CDC73: variants seen among roughly 807,000 people sequenced by gnomAD.
CDC73 encodes cell division cycle 73.
Under a neutral mutation model 83.7 loss-of-function variants are expected in CDC73, and 21 were observed. The observed-to-expected ratio is 0.25, with a 90% CI of 0.18 to 0.36. CDC73 has a LOEUF of 0.36. Ranked by LOEUF, CDC73 falls within the 10% of genes least tolerant of loss-of-function variation. The probability of loss-of-function intolerance (pLI) is 1.00; values close to 1 mark genes in which losing one functional copy is unlikely to be tolerated. For synonymous variants in CDC73, 224 were observed against 212.9 expected, an observed-to-expected ratio of 1.05 and a Z score of -0.45; for missense variants, 342 against 653.3, an observed-to-expected ratio of 0.52 and a Z score of 5.19.
intron 14 of CDC73, among the ~76,000 whole-genome samples, chr1:193,234,343 T>TATATATATATATA (rs1677721942): frequency 8.5e-5 from 4 of 46,908 alleles, no homozygotes; most frequent in Non-Finnish European, 1.3e-4. Flanking sequence ...CACACATAAA[T>TATATATATATATA]ATATATATAT....
intron 13 of CDC73, among the ~76,000 whole-genome samples, chr1:193,215,484 G>A (rs1677351711): frequency 6.6e-6 from 1 of 151,968 alleles, no homozygotes; most frequent in South Asian, 2.1e-4. Flanking sequence ...GTACTGTGGA[G>A]ATACCTAACA....
Position 193,253,405 on chromosome 1 carries a change from A to T in CDC73, c.*2693A>T. 4.3e-6 allele frequency: 1 copy of T among 232,056 alleles called. No homozygotes were observed. The highest frequency in any genetic ancestry group is 8.5e-6 in the Non-Finnish European group (1 of 117,428). The allele number at this position is 232,056 out of a possible 1,614,324, so 14.4% of individuals were successfully genotyped here. ...TTTCTGTATGTATGTGTGGTTTTTG[A>T]TTTTTTGTTGTTGTTGTTGTTTTGT... On this transcript the variant is annotated 3_prime_UTR_variant, in exon 17 of 17. Transcript: ENST00000367435.
intron 13 of CDC73, among the ~76,000 whole-genome samples, chr1:193,231,998 T>C (rs1454134139): frequency 6.6e-6 from 1 of 152,188 alleles, no homozygotes; most frequent in Non-Finnish European, 1.5e-5. Context: ...AATAAGACTT[T>C]TAAAATACTT....
chr1:193,214,289 A>C (rs1288271361), intron 13 of CDC73, among the ~76,000 whole-genome samples: 1 of 152,164 alleles, frequency 6.6e-6, no homozygotes, highest in Non-Finnish European at 1.5e-5. Flanking sequence ...TTTATGTATA[A>C]AGTTCCCGTT....
chr1:193,212,374 A>C lies in CDC73; in HGVS notation c.1067-16A>C. The C allele has an allele frequency of 7.5e-6, 11 of 1,470,224 alleles. No homozygotes were observed. Among genetic ancestry groups the C allele is most frequent in the Non-Finnish European group, 1.0e-5 (11 of 1,063,632 alleles). 91.1% of individuals were successfully genotyped at this position (1,470,224 alleles called of 1,614,324 possible). A position where few individuals can be genotyped will look rare whatever the true frequency, so the allele number is the denominator to read the frequency against. On this transcript the variant is annotated splice_polypyrimidine_tract_variant and intron_variant, in intron 12 of 16. Coordinates refer to ENST00000367435, the MANE Select transcript of CDC73 (RefSeq NM_024529.5). ...TCTAATAATATATTTTCTACCTGTAAATTTTGTCTTTATAGGATCTCGAAC... is the reference window on the plus strand; with the variant it reads ...TCTAATAATATATTTTCTACCTGTACATTTTGTCTTTATAGGATCTCGAAC...
intron 10 of CDC73, among the ~76,000 whole-genome samples, chr1:193,192,563 A>C (rs922364005): frequency 6.6e-6 from 1 of 152,234 alleles, no homozygotes; most frequent in Non-Finnish European, 1.5e-5. Flanking sequence ...AGCCATCTTC[A>C]GTATGATTGG....
chr1:193,170,392 A>G (rs1676499998), intron 10 of CDC73, among the ~76,000 whole-genome samples: 1 of 152,182 alleles, frequency 6.6e-6, no homozygotes, highest in Non-Finnish European at 1.5e-5. Flanking sequence ...CAATAGTTGA[A>G]TTAATTTACA....
Position 193,232,865 on chromosome 1 carries a change from T to C in CDC73, c.1155-128T>C, listed in dbSNP as rs904573638. On this transcript the variant is annotated intron_variant, in intron 13 of 16. Transcript: ENST00000367435. ...TTGCAGTGAGCCAAGATTGCACCAC[T>C]GCACTCTAGCCTGGGCAATAAGAAA... is the stretch of plus-strand genomic sequence containing the variant. The C allele has an allele frequency of 1.6e-5, 12 of 727,962 alleles. No individual in the cohort carries two copies. In the East Asian group the frequency reaches 3.5e-4, roughly 21 times the overall value. The allele number at this position is 727,962 out of a possible 1,614,324, so 45.1% of individuals were successfully genotyped here. A position where few individuals can be genotyped will look rare whatever the true frequency, so the allele number is the denominator to read the frequency against.
intron 10 of CDC73, among the ~76,000 whole-genome samples, chr1:193,157,658 T>C (rs1171594356): frequency 6.6e-6 from 1 of 152,234 alleles, no homozygotes; most frequent in Admixed American, 6.5e-5. Flanking sequence ...TGTTATCTTT[T>C]ATTTAGCCTT....
intron 16 of CDC73, 60 bp downstream of exon 16, chr1:193,249,931 A>T: frequency 6.5e-7 from 1 of 1,532,324 alleles, no homozygotes; most frequent in Non-Finnish European, 9.0e-7. Flanking sequence ...TGTCTCAGTT[A>T]AATTTTAAGT....
At chr1:193,197,927 CAAA>C (rs61392426) in intron 10 of CDC73, among the ~76,000 whole-genome samples, 4 of 73,220 alleles carry the variant, frequency 5.5e-5, no homozygotes, top group African/African-American at 9.2e-5. Context: ...ACCATCTCAC[CAAA>C]AAAAAAAAAA....
At chr1:193,202,581 TG>T (rs1458838266) in intron 10 of CDC73, among the ~76,000 whole-genome samples, 1 of 150,444 alleles carries the variant, frequency 6.6e-6, no homozygotes, top group African/African-American at 2.4e-5. Flanking sequence ...GTGAGAATGT[TG>T]GAAAAAGGAT....
At chr1:193,249,376 A>G (rs1193794792) in intron 15 of CDC73, among the ~76,000 whole-genome samples, 1 of 152,082 alleles carries the variant, frequency 6.6e-6, no homozygotes, top group African/African-American at 2.4e-5. Context: ...ATAAAAATGC[A>G]ATGAGGTACC....
chr1:193,180,497 C>T, intron 10 of CDC73: 1 of 1,613,988 alleles, frequency 6.2e-7, no homozygotes, highest in Non-Finnish European at 8.5e-7. Flanking sequence ...GGAGGGGGTA[C>T]AGGATCAATT....
chr1:193,225,340 C>CA (rs2102051247), intron 13 of CDC73, among the ~76,000 whole-genome samples: 1 of 151,632 alleles, frequency 6.6e-6, no homozygotes, highest in East Asian at 1.9e-4. Flanking sequence ...CACATTTTTG[C>CA]AATTGCGAAT....
chr1:193,138,807 C>T, intron 6 of CDC73, among the ~76,000 whole-genome samples: 1 of 128,458 alleles, frequency 7.8e-6, no homozygotes, highest in East Asian at 2.2e-4. Context: ...CGGAGTTTCA[C>T]TTTTTCACCC....
rs2103111415 is a variant in CDC73, at chr1:193,122,162, C to G, written c.-39C>G. On this transcript the variant is annotated 5_prime_UTR_variant, in exon 1 of 17. Transcript: ENST00000367435. ...AAGAAGGAGGCAGGCGCGGCGGCAGCGGCGGCGCCCCGAGCCGGCGGAGGC... is the reference window on the plus strand; with the variant it reads ...AAGAAGGAGGCAGGCGCGGCGGCAGGGGCGGCGCCCCGAGCCGGCGGAGGC... The G allele has an allele frequency of 6.2e-7, 1 of 1,602,972 alleles. No individual in the cohort carries two copies. The highest frequency in any genetic ancestry group is 1.1e-5 in the South Asian group (1 of 90,808).
chr1:193,161,422 A>G (rs1352626605), intron 10 of CDC73, among the ~76,000 whole-genome samples: 2 of 150,524 alleles, frequency 1.3e-5, no homozygotes, highest in African/African-American at 4.9e-5. Context: ...GAACTCAGAT[A>G]ACTCACTGTT....
intron 10 of CDC73, among the ~76,000 whole-genome samples, chr1:193,187,008 T>G (rs1167336031): frequency 6.6e-6 from 1 of 151,620 alleles, no homozygotes; most frequent in East Asian, 1.9e-4. Flanking sequence ...TCTTGAAGTT[T>G]TTTTTCTCTG....
Sources: gnomAD v4.1 joint callset for allele counts (sites outside exome capture counted in the v4.1 genomes callset) on GRCh38, gnomAD v4.1.1 for gene constraint, MANE v1.5 for transcripts, NCBI Gene and HGNC (gene_info 2026-07-23, HGNC 2026-07-21) for gene names.